C1orf87: variants seen among roughly 807,000 people sequenced by gnomAD.
The protein encoded by C1orf87 is uncharacterized protein C1orf87.
A neutral mutation model predicts 60.5 loss-of-function variants in C1orf87; 58 were observed. The observed-to-expected ratio is 0.96, with a 90% CI of 0.78 to 1.19. The LOEUF is 1.19. C1orf87 is among the 50% of genes most tolerant of loss of function. C1orf87 has a pLI of 0.00. For missense variants in C1orf87, 673 were observed against 638.6 expected (o/e 1.05, Z -0.58); for synonymous variants, 236 against 227.4 (o/e 1.04, Z -0.34).
chr1:60,012,122 C>T (rs1557460547), intron 8 of C1orf87, among the ~76,000 whole-genome samples: 1 of 151,872 alleles, frequency 6.6e-6, no homozygotes, highest in Non-Finnish European at 1.5e-5. Flanking sequence ...CAATTTCTTT[C>T]CAGACTATTT....
At chr1:60,039,443 C>A (rs1381810737) in intron 5 of C1orf87, among the ~76,000 whole-genome samples, 5 of 152,180 alleles carry the variant, frequency 3.3e-5, no homozygotes, top group Non-Finnish European at 7.3e-5. Flanking sequence ...GCCATTAATT[C>A]TCTGAGTCTC....
At chr1:60,001,947 C>A (rs188636371) in intron 9 of C1orf87, among the ~76,000 whole-genome samples, 2 of 152,184 alleles carry the variant, frequency 1.3e-5, no homozygotes, top group African/African-American at 2.4e-5. Flanking sequence ...AATATTAAGA[C>A]CTGTGGAAAT....
Position 60,033,650 on chromosome 1 carries a change from A to T in C1orf87, c.864-9T>A. 2 of 1,608,616 alleles carry T rather than the reference A, an allele frequency of 1.2e-6. No homozygotes were observed. Among genetic ancestry groups the T allele is most frequent in the Non-Finnish European group, 8.5e-7 (1 of 1,177,420 alleles). ...AGTGCTGAGGTGGAGTGCTGATTGT[A>T]GGGGAAATGGGGAAGGCTATGAAAA... On this transcript the variant is annotated splice_polypyrimidine_tract_variant and intron_variant, in intron 6 of 11. Transcript: ENST00000371201.
At chr1:60,025,327 T>C (rs1645191441) in intron 8 of C1orf87, 74 bp downstream of exon 8, 2 of 1,212,274 alleles carry the variant, frequency 1.6e-6, no homozygotes, top group Non-Finnish European at 2.4e-6. Context: ...ATATTTGAAG[T>C]TAAAGCTTCA....
chr1:60,026,139 G>A (rs948945201), intron 7 of C1orf87, among the ~76,000 whole-genome samples: 1 of 152,142 alleles, frequency 6.6e-6, no homozygotes, highest in African/African-American at 2.4e-5. Context: ...TGGTGGGTAA[G>A]TGACACTTAG....
chr1:59,993,618 G>T (rs1644941325), intron 11 of C1orf87, among the ~76,000 whole-genome samples: 1 of 152,014 alleles, frequency 6.6e-6, no homozygotes, highest in African/African-American at 2.4e-5. Context: ...TCCACTGAAT[G>T]AAATTTGTAT....
chr1:59,998,397 A>G (rs1369282785), intron 10 of C1orf87, among the ~76,000 whole-genome samples: 1 of 152,348 alleles, frequency 6.6e-6, no homozygotes, highest in Admixed American at 6.5e-5. Flanking sequence ...GACTAGAAGC[A>G]GGGCATAAAG....
chr1:60,057,240 T>C (rs186590612), intron 2 of C1orf87, among the ~76,000 whole-genome samples: 5 of 152,282 alleles, frequency 3.3e-5, no homozygotes, highest in Non-Finnish European at 7.4e-5. Context: ...AAAGGGTCCA[T>C]TGGGTTAGCC....
chr1:60,029,271 G>T (rs1645220129), intron 7 of C1orf87, among the ~76,000 whole-genome samples: 1 of 152,046 alleles, frequency 6.6e-6, no homozygotes, highest in Admixed American at 6.6e-5. Flanking sequence ...TCCTGTTACT[G>T]CCTTGGCTTA....
Position 60,009,473 on chromosome 1 carries a change from G to A in C1orf87, c.1192+919C>T, listed in dbSNP as rs186584239. 1.5e-3 allele frequency among the ~76,000 whole-genome samples: 221 copies of A among 152,042 alleles called. 1 individual carries two copies. Among genetic ancestry groups the A allele is most frequent in the African/African-American group, 5.0e-3 (207 of 41,484 alleles). ...TTGTGGTATTTTGTATGGCAGCCCT[G>A]GGAAATGAATATACTCACCATATTC... On this transcript the variant is annotated intron_variant, in intron 9 of 11. Coordinates refer to ENST00000371201, the MANE Select transcript of C1orf87 (RefSeq NM_152377.3).
chr1:60,040,892 C>G, intron 4 of C1orf87, 99 bp downstream of exon 4: 1 of 1,364,510 alleles, frequency 7.3e-7, no homozygotes, highest in South Asian at 1.6e-5. Flanking sequence ...TATGACCAGC[C>G]CTCAGACCAA....
At chr1:60,072,737 A>C (rs1265508523) in intron 1 of C1orf87, 67 bp from the exon 2 acceptor site, 1 of 776,746 alleles carries the variant, frequency 1.3e-6, no homozygotes, top group Non-Finnish European at 2.1e-6. Context: ...ATCCTTGCCA[A>C]TAACAACAAG....
At chr1:60,027,046 A>G (rs1030294137) in intron 7 of C1orf87, among the ~76,000 whole-genome samples, 38 of 152,202 alleles carry the variant, frequency 2.5e-4, no homozygotes, top group Non-Finnish European at 5.4e-4. Context: ...TCTGGTCCCA[A>G]ATATTTCAGA....
intron 11 of C1orf87, among the ~76,000 whole-genome samples, chr1:59,992,120 A>G (rs1644927973): frequency 6.6e-6 from 1 of 152,132 alleles, no homozygotes; most frequent in Admixed American, 6.5e-5. Context: ...CATTTCACAG[A>G]GGGCAAAACT....
chr1:60,031,575 TAAG>T (rs1364806628), intron 7 of C1orf87, among the ~76,000 whole-genome samples: 1 of 152,170 alleles, frequency 6.6e-6, no homozygotes, highest in African/African-American at 2.4e-5. Context: ...TTCTTTTTTA[TAAG>T]AAGGAGAGGA....
At chr1:59,996,062 G>GTT (rs199612022) in intron 11 of C1orf87, among the ~76,000 whole-genome samples, 1 of 150,636 alleles carries the variant, frequency 6.6e-6, no homozygotes, top group African/African-American at 2.4e-5. Flanking sequence ...AAATTTTCAG[G>GTT]TTTTTTTTTC....
In C1orf87 at chr1:60,038,010, T is replaced by C; in HGVS notation, c.845A>G (p.His282Arg). ...AGAGTACCTTTGGCTATGAGTGCCA[T>C]GACTCTCAGTTTTTCTCAGGTCTGC... ...AAADLRKTES[H>R]GTHSQSTPPQ... Residue 282 changes from histidine (H) to arginine (R), a missense_variant, in exon 6 of 12, where the codon CAT becomes CGT. Transcript: ENST00000371201. The C allele has an allele frequency of 6.2e-7, 1 of 1,609,840 alleles. No individual in the cohort carries two copies.
chr1:60,026,291 A>G (rs1645197596), intron 7 of C1orf87, among the ~76,000 whole-genome samples: 2 of 152,340 alleles, frequency 1.3e-5, no homozygotes, highest in East Asian at 3.9e-4. Context: ...TTGGGAAGTT[A>G]CTTAACCTTT....
intron 11 of C1orf87, among the ~76,000 whole-genome samples, chr1:59,992,698 A>C (rs1489216417): frequency 1.3e-5 from 2 of 152,220 alleles, no homozygotes; most frequent in East Asian, 1.9e-4. Context: ...TTATCATCTC[A>C]GTTTAAGATA....
Sources: gnomAD v4.1 joint callset for allele counts (sites outside exome capture counted in the v4.1 genomes callset) on GRCh38, gnomAD v4.1.1 for gene constraint, MANE v1.5 for transcripts, NCBI Gene and HGNC (gene_info 2026-07-23, HGNC 2026-07-21) for gene names.